Variants in MAP3K5 observed in about 807,000 individuals in gnomAD.
MAP3K5 encodes the protein ASK-1.
A neutral mutation model predicts 158.7 loss-of-function variants in MAP3K5; 56 were observed. The observed-to-expected ratio is 0.35, with a 90% CI of 0.28 to 0.44. The LOEUF is 0.44. Ranked by LOEUF, MAP3K5 falls within the 20% of genes least tolerant of loss-of-function variation. MAP3K5 has a pLI of 1.00. For missense variants in MAP3K5, 1,294 were observed against 1,674.8 expected (o/e 0.77, Z 3.97); for synonymous variants, 579 against 601.7 (o/e 0.96, Z 0.55).
intron 2 of MAP3K5, among the ~76,000 whole-genome samples, chr6:136,715,967 T>C (rs1781501547): frequency 7.7e-6 from 1 of 129,168 alleles, no homozygotes; most frequent in Non-Finnish European, 1.5e-5. Flanking sequence ...GAGGTGGAGG[T>C]TGCAGTGAGC....
intron 7 of MAP3K5, among the ~76,000 whole-genome samples, chr6:136,686,235 C>A: frequency 6.6e-6 from 1 of 152,020 alleles, no homozygotes; most frequent in East Asian, 1.9e-4. Flanking sequence ...CATTAGAAGT[C>A]TTTGAGCTCA....
intron 2 of MAP3K5, among the ~76,000 whole-genome samples, chr6:136,714,871 C>T (rs1781455549): frequency 6.6e-6 from 1 of 152,018 alleles, no homozygotes; most frequent in Non-Finnish European, 1.5e-5. Context: ...TAGCCAGATC[C>T]CAATCTAGAA....
chr6:136,651,775 A>C (rs919260970), intron 10 of MAP3K5, among the ~76,000 whole-genome samples: 1 of 152,172 alleles, frequency 6.6e-6, no homozygotes, highest in East Asian at 1.9e-4. Context: ...GTGATAAATG[A>C]GTTGAGAATC....
At chr6:136,677,132 A>AC (rs1779740112) in intron 7 of MAP3K5, among the ~76,000 whole-genome samples, 2 of 93,366 alleles carry the variant, frequency 2.1e-5, no homozygotes, top group African/African-American at 5.1e-5. Flanking sequence ...GATGATATCC[A>AC]TTTTTTTTTT....
chr6:136,604,778 A>T (rs79778813), intron 19 of MAP3K5, among the ~76,000 whole-genome samples: 43 of 150,090 alleles, frequency 2.9e-4, no homozygotes, highest in Middle Eastern at 3.4e-3. Flanking sequence ...TTTTTTTTTT[A>T]AAAAAAATGA....
chr6:136,656,484 A>T, intron 9 of MAP3K5, 24 bp from the exon 10 acceptor site: 1 of 1,489,676 alleles, frequency 6.7e-7, no homozygotes, highest in Admixed American at 2.2e-5. Context: ...GATATAAAAC[A>T]TGTAACAGAC....
chr6:136,595,490 T>C (rs1448613487), intron 21 of MAP3K5, among the ~76,000 whole-genome samples: 1 of 152,166 alleles, frequency 6.6e-6, no homozygotes, highest in East Asian at 1.9e-4. Flanking sequence ...CAACATACAG[T>C]TGTGGATCAT....
intron 19 of MAP3K5, among the ~76,000 whole-genome samples, chr6:136,604,253 C>T (rs866555286): frequency 1.3e-5 from 2 of 150,906 alleles, no homozygotes; most frequent in Non-Finnish European, 2.9e-5. Context: ...ACTCAGGAGA[C>T]GGAGGTTGCA....
At chr6:136,757,628 C>T (rs1464468711) in intron 1 of MAP3K5, among the ~76,000 whole-genome samples, 1 of 140,428 alleles carries the variant, frequency 7.1e-6, no homozygotes, top group Non-Finnish European at 1.5e-5. Flanking sequence ...GCTCTTGCTG[C>T]CCAGGCTGGA....
chr6:136,592,730 C>G (rs778137124), intron 21 of MAP3K5, 116 bp from the exon 22 acceptor site: 12 of 882,938 alleles, frequency 1.4e-5, no homozygotes, highest in Non-Finnish European at 1.9e-5. Context: ...CAATGAGCAG[C>G]ATAATTATGC....
At chr6:136,757,840 C>T (rs1209511353) in intron 1 of MAP3K5, among the ~76,000 whole-genome samples, 1 of 152,082 alleles carries the variant, frequency 6.6e-6, no homozygotes, top group African/African-American at 2.4e-5. Context: ...CTGCCTCGGC[C>T]TCCCAAAATG....
intron 23 of MAP3K5, among the ~76,000 whole-genome samples, chr6:136,585,299 G>C (rs891794869): frequency 6.6e-6 from 1 of 150,780 alleles, no homozygotes; most frequent in African/African-American, 2.4e-5. Context: ...AAAACTTTTT[G>C]TAGAGACTGG....
intron 1 of MAP3K5, among the ~76,000 whole-genome samples, chr6:136,783,628 C>T (rs1242263216): frequency 6.6e-6 from 1 of 152,196 alleles, no homozygotes; most frequent in Non-Finnish European, 1.5e-5. Flanking sequence ...GGGGCAAATG[C>T]TGGCATGTTC....
chr6:136,792,210 C>G lies in MAP3K5; in HGVS notation c.-53G>C. 6.6e-7 allele frequency: 1 copy of G among 1,514,336 alleles called. No homozygotes were observed. Among genetic ancestry groups the G allele is most frequent in the Non-Finnish European group, 8.8e-7 (1 of 1,135,832 alleles). The allele number at this position is 1,514,336 out of a possible 1,614,324, so 93.8% of individuals were successfully genotyped here. A position where few individuals can be genotyped will look rare whatever the true frequency, so the allele number is the denominator to read the frequency against. On this transcript the variant is annotated 5_prime_UTR_variant, in exon 1 of 30. Coordinates refer to ENST00000359015, the MANE Select transcript of MAP3K5 (RefSeq NM_005923.4). This position sits in a 1 kb window ranked among gnomAD's most constrained non-coding sequence, Gnocchi z 5.7. ...GGCGTCCCCCGCCCAGCCGCACCGC[C>G]TGGCCAGCCACAGCTCGGGGCTGCT...
chr6:136,744,745 CT>C (rs1391775274), intron 1 of MAP3K5, among the ~76,000 whole-genome samples: 1 of 152,184 alleles, frequency 6.6e-6, no homozygotes, highest in Non-Finnish European at 1.5e-5. Context: ...ACAGCCTTGG[CT>C]GCACATTGTA....
intron 1 of MAP3K5, among the ~76,000 whole-genome samples, chr6:136,721,116 T>C (rs1781730945): frequency 6.6e-6 from 1 of 151,932 alleles, no homozygotes; most frequent in Non-Finnish European, 1.5e-5. Flanking sequence ...GGAGATCATG[T>C]GATTACTGGA....
chr6:136,583,949 C>T (rs1159215529), intron 23 of MAP3K5, among the ~76,000 whole-genome samples: 1 of 152,126 alleles, frequency 6.6e-6, no homozygotes, highest in Non-Finnish European at 1.5e-5. Flanking sequence ...AGGCATGAGC[C>T]ACCATACTTC....
chr6:136,780,505 T>C (rs552671586), intron 1 of MAP3K5, among the ~76,000 whole-genome samples: 96 of 152,316 alleles, frequency 6.3e-4, no homozygotes, highest in African/African-American at 2.1e-3. Context: ...AATTCAATAT[T>C]TGGCATATGT....
intron 1 of MAP3K5, among the ~76,000 whole-genome samples, chr6:136,750,682 C>G (rs1783167242): frequency 6.6e-6 from 1 of 152,160 alleles, no homozygotes; most frequent in South Asian, 2.1e-4. Flanking sequence ...AGCCTTTTCC[C>G]CTAATTTATC....
Sources: gnomAD v4.1 joint callset for allele counts (sites outside exome capture counted in the v4.1 genomes callset) on GRCh38, gnomAD v4.1.1 for gene constraint, Gnocchi (gnomAD v3.1) non-coding constraint, MANE v1.5 for transcripts, NCBI Gene and HGNC (gene_info 2026-07-23, HGNC 2026-07-21) for gene names.